CBL: variants seen among roughly 807,000 people sequenced by gnomAD.
CBL encodes E3 ubiquitin-protein ligase CBL.
Under a neutral mutation model 96.9 loss-of-function variants are expected in CBL, and 45 were observed. The ratio of observed to expected loss-of-function variants is 0.46; its 90% CI spans 0.37 to 0.60. CBL has a LOEUF of 0.60. Ranked by LOEUF, CBL falls within the 20% of genes least tolerant of loss-of-function variation. CBL has a pLI of 0.00. For synonymous variants in CBL, 420 were observed against 426.8 expected, an observed-to-expected ratio of 0.98 and a Z score of 0.20; for missense variants, 1,024 against 1,143.5, an observed-to-expected ratio of 0.90 and a Z score of 1.51.
chr11:119,248,976 C>T (rs1159764190), intron 2 of CBL, among the ~76,000 whole-genome samples: 1 of 152,024 alleles, frequency 6.6e-6, no homozygotes, highest in Non-Finnish European at 1.5e-5. Context: ...AGAATAAAAC[C>T]CTCATGCATT....
chr11:119,252,994 C>G (rs77099914), intron 2 of CBL, among the ~76,000 whole-genome samples: 1 of 151,730 alleles, frequency 6.6e-6, no homozygotes, highest in African/African-American at 2.4e-5. Flanking sequence ...AGCATAGTTT[C>G]TTAGTCATTT....
chr11:119,241,097 G>T (rs964931028), intron 2 of CBL, among the ~76,000 whole-genome samples: 3 of 151,890 alleles, frequency 2.0e-5, no homozygotes, highest in South Asian at 2.1e-4. Context: ...AAATAAAAAA[G>T]AATGTACATA....
chr11:119,300,301 G>A lies in CBL; in HGVS notation c.*520G>A, dbSNP rs895079996. On this transcript the variant is annotated 3_prime_UTR_variant, in exon 16 of 16. Transcript: ENST00000264033. ...TACTGTGGTATTATACCCAAGCCTA[G>A]TGTGTATTACAACTTCAACACTCCC... 3.0e-5 allele frequency: 13 copies of A among 428,342 alleles called. No individual in the cohort carries two copies. The highest frequency in any genetic ancestry group is 5.9e-4 in the Middle Eastern group (1 of 1,694). The allele number at this position is 428,342 out of a possible 1,614,324, so 26.5% of individuals were successfully genotyped here.
In CBL at chr11:119,298,474, CTCTCAGATA is replaced by C. The variant is rs752692211; in HGVS notation, c.2373_2381del (p.Asp792_Ser794del). ...GCCGGCCGTGCTGGCCCGCCGAACTCTCTCAGATATCTCTAATGCCAGCTCCTCCTTTGG... is the reference window on the plus strand; with the variant it reads ...GCCGGCCGTGCTGGCCCGCCGAACTCTCTCTAATGCCAGCTCCTCCTTTGG... On this transcript the variant is annotated inframe_deletion, in exon 15 of 16. Transcript: ENST00000264033. The C allele has an allele frequency of 2.5e-6, 4 of 1,614,228 alleles. No individual in the cohort carries two copies. Among genetic ancestry groups the C allele is most frequent in the Middle Eastern group, 1.6e-4 (1 of 6,062 alleles).
At chr11:119,225,027 C>T (rs181367276) in intron 1 of CBL, among the ~76,000 whole-genome samples, 8 of 151,082 alleles carry the variant, frequency 5.3e-5, no homozygotes, top group South Asian at 4.2e-4. Context: ...GCAAGTACTC[C>T]GTTTTATCCT....
Position 119,232,589 on chromosome 11 carries a change from G to A in CBL, c.337G>A (p.Glu113Lys), listed in dbSNP as rs1414058182. Residue 113 changes from glutamate (E) to lysine (K), a missense_variant, in exon 2 of 16, where the codon GAG becomes AAG. Physicochemically the swap from Glu to Lys is moderately conservative, Grantham distance 56. This residue lies in a region of CBL where 192 missense variants were observed against 321.8 expected (regional missense o/e 0.60). Coordinates refer to ENST00000264033, the MANE Select transcript of CBL (RefSeq NM_005188.4). Reference protein sequence around the residue: ...EGKMETLGENEYFRVFMENLM... With the variant: ...EGKMETLGENKYFRVFMENLM... ...GAAGATGGAGACACTTGGAGAAAATGAGTATTTTAGGGTGTTTATGGAGAA... is the reference window on the plus strand; with the variant it reads ...GAAGATGGAGACACTTGGAGAAAATAAGTATTTTAGGGTGTTTATGGAGAA... 6.2e-7 allele frequency: 1 copy of A among 1,613,932 alleles called. No individual in the cohort carries two copies. The highest frequency in any genetic ancestry group is 1.3e-5 in the African/African-American group (1 of 74,894).
chr11:119,289,099 A>G (rs545569294), intron 12 of CBL, among the ~76,000 whole-genome samples: 2 of 152,306 alleles, frequency 1.3e-5, no homozygotes, highest in South Asian at 4.1e-4. Context: ...CAGCTAGTTT[A>G]TGGTAAAATT....
intron 1 of CBL, among the ~76,000 whole-genome samples, chr11:119,216,744 A>G (rs937741032): frequency 6.6e-6 from 1 of 152,202 alleles, no homozygotes; most frequent in Non-Finnish European, 1.5e-5. Context: ...TATGAATCAT[A>G]AAAGATACAG....
rs182401392 is a variant in CBL, at chr11:119,226,426, G to C, written c.196-6022G>C. Among the ~76,000 whole-genome samples, 509 of 152,234 alleles carry C rather than the reference G, an allele frequency of 3.3e-3. 9 individuals are homozygous for C. The highest frequency in any genetic ancestry group is 1.8e-3 in the Non-Finnish European group (123 of 68,000). On this transcript the variant is annotated intron_variant, in intron 1 of 15. Transcript: ENST00000264033. ...ATTATGAGGCATTATCTTTGATTTT[G>C]TGGTTAAAAGAACTAAGGCTCAGAG... is the stretch of plus-strand genomic sequence containing the variant.
chr11:119,272,356 G>A (rs924390730), intron 3 of CBL, among the ~76,000 whole-genome samples: 4 of 152,156 alleles, frequency 2.6e-5, no homozygotes, highest in Non-Finnish European at 5.9e-5. Flanking sequence ...TTCTGACCTC[G>A]TGATCCACCT....
intron 1 of CBL, among the ~76,000 whole-genome samples, chr11:119,214,893 A>AT (rs774184469): frequency 0.061 from 7,200 of 117,882 alleles, 779 homozygotes; most frequent in African/African-American, 0.2. Context: ...CTGGTAGGGA[A>AT]TTTTTTTTTT....
intron 12 of CBL, among the ~76,000 whole-genome samples, chr11:119,288,445 C>A (rs1950001087): frequency 6.6e-6 from 1 of 151,224 alleles, no homozygotes; most frequent in South Asian, 2.1e-4. Flanking sequence ...TCACTATGTC[C>A]TTACATGGCC....
chr11:119,293,420 T>C (rs1367861718), intron 12 of CBL, among the ~76,000 whole-genome samples: 1 of 152,082 alleles, frequency 6.6e-6, no homozygotes, highest in Non-Finnish European at 1.5e-5. Context: ...TCTTCTTTTT[T>C]TTATTGAACA....
intron 1 of CBL, among the ~76,000 whole-genome samples, chr11:119,231,763 C>G (rs963453214): frequency 1.3e-5 from 2 of 151,902 alleles, no homozygotes; most frequent in Admixed American, 6.6e-5. Flanking sequence ...GATTTACCTC[C>G]CAGGGCAGTC....
At chr11:119,274,614 T>A (rs1949874307) in intron 4 of CBL, among the ~76,000 whole-genome samples, 1 of 152,228 alleles carries the variant, frequency 6.6e-6, no homozygotes, top group African/African-American at 2.4e-5. Context: ...AATTTTCATT[T>A]TGTGTCAAGT....
At chr11:119,207,613 A>G (rs1234689964) in intron 1 of CBL, among the ~76,000 whole-genome samples, 1 of 152,214 alleles carries the variant, frequency 6.6e-6, no homozygotes, top group Non-Finnish European at 1.5e-5. Flanking sequence ...TGTCTATATG[A>G]TGAAATGTAG....
At chr11:119,257,387 T>C (rs1253959475) in intron 2 of CBL, among the ~76,000 whole-genome samples, 6 of 152,256 alleles carry the variant, frequency 3.9e-5, no homozygotes, top group African/African-American at 7.2e-5. Flanking sequence ...TTCATTTGTT[T>C]GTGGCCACTT....
At chr11:119,211,197 C>G (rs999824842) in intron 1 of CBL, among the ~76,000 whole-genome samples, 6 of 151,976 alleles carry the variant, frequency 3.9e-5, no homozygotes, top group Non-Finnish European at 5.9e-5. Context: ...AAAGGTGAAA[C>G]CCTGTCTCTA....
chr11:119,286,190 C>T (rs1388952496), intron 11 of CBL, among the ~76,000 whole-genome samples: 1 of 152,064 alleles, frequency 6.6e-6, no homozygotes, highest in Non-Finnish European at 1.5e-5. Flanking sequence ...ATTCCAGCTA[C>T]TCAGGAGGCT....
Sources: gnomAD v4.1 joint callset for allele counts (sites outside exome capture counted in the v4.1 genomes callset) on GRCh38, gnomAD v4.1.1 for gene constraint, gnomAD v4.1.1 regional missense constraint, MANE v1.5 for transcripts, NCBI Gene and HGNC (gene_info 2026-07-23, HGNC 2026-07-21) for gene names.